MAF: variants seen among roughly 807,000 people sequenced by gnomAD.
MAF encodes the protein transcription factor Maf.
Under a neutral mutation model 22.0 loss-of-function variants are expected in MAF, and 10 were observed. The ratio of observed to expected loss-of-function variants is 0.45; its 90% CI spans 0.28 to 0.77. The LOEUF (loss-of-function observed/expected upper bound fraction) is 0.77, where lower values mean the gene tolerates loss of function less well. Among genes scored for constraint, MAF ranks in the 30% least tolerant of loss-of-function variants. MAF has a pLI of 0.12. For missense variants in MAF, 544 were observed against 548.4 expected (o/e 0.99, Z 0.08); for synonymous variants, 337 against 255.8 (o/e 1.32, Z -3.03).
At chr16:79,211,155 C>G in the MAF span, among the ~76,000 whole-genome samples, 5 of 152,086 alleles carry the variant, frequency 3.3e-5, no homozygotes, top group African/African-American at 4.8e-5. Context: ...CTTGGGTTTT[C>G]TACCTGATGG....
chr16:79,504,476 C>G, the MAF span, among the ~76,000 whole-genome samples: 1 of 152,170 alleles, frequency 6.6e-6, no homozygotes, highest in Non-Finnish European at 1.5e-5. Context: ...AAACAAGTAT[C>G]TTATTGGGAT....
chr16:79,466,598 C>T, the MAF span, among the ~76,000 whole-genome samples: 318 of 152,318 alleles, frequency 2.1e-3, 1 homozygote, highest in Middle Eastern at 6.8e-3. Context: ...GCTGTCTACA[C>T]ACCTGGTGGT....
the MAF span, among the ~76,000 whole-genome samples, chr16:79,336,169 G>T: frequency 6.6e-6 from 1 of 152,166 alleles, no homozygotes; most frequent in African/African-American, 2.4e-5. Context: ...TAAGCTTCAG[G>T]TGTCTCATCT....
At chr16:79,481,970 C>T in the MAF span, among the ~76,000 whole-genome samples, 39 of 152,194 alleles carry the variant, frequency 2.6e-4, no homozygotes, top group Admixed American at 2.3e-3. Context: ...GGAGGTCACC[C>T]TGGAATTGGG....
chr16:79,205,738 G>C, the MAF span: 1 of 152,166 alleles, frequency 6.6e-6, no homozygotes, highest in Non-Finnish European at 1.5e-5. Flanking sequence ...CTGGATTGTT[G>C]AAGGCCTTTG....
At chr16:79,418,405 C>T in the MAF span, among the ~76,000 whole-genome samples, 1 of 151,874 alleles carries the variant, frequency 6.6e-6, no homozygotes, top group Non-Finnish European at 1.5e-5. Context: ...GGGCTGGGGA[C>T]GATTATTCAC....
chr16:79,400,112 G>A, the MAF span, among the ~76,000 whole-genome samples: 1 of 152,126 alleles, frequency 6.6e-6, no homozygotes, highest in South Asian at 2.1e-4. Context: ...TCCAGGACAG[G>A]GTAGTTGCTA....
the MAF span, among the ~76,000 whole-genome samples, chr16:79,517,038 T>C: frequency 1.3e-5 from 2 of 152,220 alleles, no homozygotes; most frequent in Non-Finnish European, 2.9e-5. Context: ...ATTTTTTTTT[T>C]CTCCAGGACC....
chr16:79,300,799 G>A, the MAF span, among the ~76,000 whole-genome samples: 7 of 151,270 alleles, frequency 4.6e-5, no homozygotes, highest in African/African-American at 1.5e-4. Context: ...AATGATTTGT[G>A]TTCAGTTTTT....
chr16:79,381,934 C>T, the MAF span, among the ~76,000 whole-genome samples: 1 of 152,320 alleles, frequency 6.6e-6, no homozygotes, highest in Admixed American at 6.5e-5. Context: ...TAACCCACAT[C>T]TGGCTCAACA....
chr16:79,453,588 G>C, the MAF span, among the ~76,000 whole-genome samples: 3 of 152,182 alleles, frequency 2.0e-5, no homozygotes, highest in African/African-American at 7.2e-5. Flanking sequence ...AACTGGGAAA[G>C]GTCGGCTTTA....
At chr16:79,516,770 T>A in the MAF span, among the ~76,000 whole-genome samples, 2 of 152,200 alleles carry the variant, frequency 1.3e-5, no homozygotes, top group African/African-American at 4.8e-5. Flanking sequence ...CCAGACTGTG[T>A]ACCCTGGAGC....
At chr16:79,403,473 C>G in the MAF span, among the ~76,000 whole-genome samples, 11 of 152,152 alleles carry the variant, frequency 7.2e-5, no homozygotes, top group African/African-American at 2.7e-4. Flanking sequence ...GATCAAGTGC[C>G]CGCCCCTCAC....
At chr16:79,598,691 G>A in intron 1 of MAF, 94 bp downstream of exon 1, 1 of 1,575,738 alleles carries the variant, frequency 6.3e-7, no homozygotes, top group Non-Finnish European at 8.6e-7. Context: ...AGGTGGTGGC[G>A]AGCATGGCTC....
At chr16:79,315,190 CTGCCCT>C in the MAF span, among the ~76,000 whole-genome samples, 1 of 152,116 alleles carries the variant, frequency 6.6e-6, no homozygotes, top group African/African-American at 2.4e-5. Flanking sequence ...AATATCATTC[CTGCCCT>C]TGTGGAGTTT....
chr16:79,545,603 C>T, the MAF span, among the ~76,000 whole-genome samples: 1 of 151,170 alleles, frequency 6.6e-6, no homozygotes, highest in Non-Finnish European at 1.5e-5. Context: ...ATCACTGCAA[C>T]CCCCACCCCC....
the MAF span, among the ~76,000 whole-genome samples, chr16:79,528,899 C>T: frequency 2.6e-5 from 4 of 152,270 alleles, no homozygotes; most frequent in East Asian, 7.7e-4. Context: ...TTCGTCCCAT[C>T]TAGGCAGTTG....
chr16:79,546,989 C>T, the MAF span, among the ~76,000 whole-genome samples: 4 of 152,236 alleles, frequency 2.6e-5, no homozygotes, highest in South Asian at 2.1e-4. Flanking sequence ...GGGGTGATGA[C>T]AGAACATTTT....
At chr16:79,404,318 C>T in the MAF span, among the ~76,000 whole-genome samples, 1 of 152,092 alleles carries the variant, frequency 6.6e-6, no homozygotes, top group East Asian at 1.9e-4. Context: ...TGCCCACCAC[C>T]ACACCGTGCT....
Sources: gnomAD v4.1 joint callset for allele counts (sites outside exome capture counted in the v4.1 genomes callset) on GRCh38, gnomAD v4.1.1 for gene constraint, MANE v1.5 for transcripts, NCBI Gene and HGNC (gene_info 2026-07-23, HGNC 2026-07-21) for gene names.